The following EML5 variants were observed in gnomAD, a reference collection of about 807,000 sequenced individuals.
EML5 encodes EMAP like 5.
EML5 carries 120 observed loss-of-function variants against 250.0 expected under a neutral mutation model. That is an observed-to-expected ratio of 0.48 (90% CI 0.41 to 0.56). The LOEUF is 0.56. Among genes scored for constraint, EML5 ranks in the 20% least tolerant of loss-of-function variants. The pLI, the probability that EML5 is intolerant of heterozygous loss-of-function variation, is 0.00. For missense variants in EML5, 2,006 were observed against 2,437.6 expected (o/e 0.82, Z 3.73); for synonymous variants, 771 against 806.5 (o/e 0.96, Z 0.75).
intron 14 of EML5, among the ~76,000 whole-genome samples, chr14:88,699,995 C>T (rs894393208): frequency 6.6e-6 from 1 of 152,116 alleles, no homozygotes; most frequent in Non-Finnish European, 1.5e-5. Context: ...TACATATACA[C>T]ACAGAATAAT....
chr14:88,660,518 G>A (rs1469054873), intron 25 of EML5, among the ~76,000 whole-genome samples: 8 of 151,908 alleles, frequency 5.3e-5, no homozygotes, highest in East Asian at 1.9e-4. Context: ...CGAAGTGGGC[G>A]GATCACAAGG....
chr14:88,639,168 G>A (rs2090917105), intron 31 of EML5, among the ~76,000 whole-genome samples: 1 of 152,164 alleles, frequency 6.6e-6, no homozygotes, highest in Non-Finnish European at 1.5e-5. Context: ...AAAATGCTAT[G>A]GGAATTCAGA....
At chr14:88,653,429 G>A (rs1243488027) in intron 27 of EML5, among the ~76,000 whole-genome samples, 1 of 152,102 alleles carries the variant, frequency 6.6e-6, no homozygotes, top group Admixed American at 6.6e-5. Flanking sequence ...ATTGGCTGTG[G>A]GTTTGTCATA....
chr14:88,713,442 C>T (rs1389050475), intron 9 of EML5, among the ~76,000 whole-genome samples: 1 of 151,802 alleles, frequency 6.6e-6, no homozygotes, highest in African/African-American at 2.4e-5. Flanking sequence ...GCTTTTATTC[C>T]ATCCATTCAT....
intron 17 of EML5, among the ~76,000 whole-genome samples, chr14:88,689,356 A>G (rs1015061456): frequency 2.0e-5 from 3 of 152,238 alleles, no homozygotes; most frequent in African/African-American, 7.2e-5. Context: ...AACAGTGAAA[A>G]GAATTCCTTG....
rs146230095 is a variant in EML5, at chr14:88,656,409, T to C, written c.4004+967A>G. 9.9e-5 allele frequency among the ~76,000 whole-genome samples: 15 copies of C among 151,730 alleles called. No homozygotes were observed. In the East Asian group the frequency reaches 1.7e-3, roughly 18 times the overall value. Reference sequence around the variant, plus strand: ...ACATGTTCTCACTCATAAGTGGGAGTTGAACAATGAGAACATATGGACACA... The same window carrying C: ...ACATGTTCTCACTCATAAGTGGGAGCTGAACAATGAGAACATATGGACACA... On this transcript the variant is annotated intron_variant, in intron 27 of 43. Transcript: ENST00000554922.
intron 6 of EML5, 67 bp from the exon 7 acceptor site, chr14:88,736,632 A>G: frequency 1.3e-6 from 2 of 1,495,942 alleles, no homozygotes; most frequent in Non-Finnish European, 1.8e-6. Context: ...AGGCAGACAA[A>G]TCCCTATGCA....
chr14:88,788,822 CG>C (rs2094576410), intron 1 of EML5, among the ~76,000 whole-genome samples: 2 of 150,880 alleles, frequency 1.3e-5, no homozygotes, highest in South Asian at 4.2e-4. Flanking sequence ...CTTTGGGAGG[CG>C]GAAGTGGGAG....
chr14:88,762,800 TAACA>T (rs779527792), intron 1 of EML5, among the ~76,000 whole-genome samples: 3 of 152,152 alleles, frequency 2.0e-5, no homozygotes, highest in Admixed American at 6.5e-5. Flanking sequence ...ATGGAAATCA[TAACA>T]AACAGTCTCT....
intron 2 of EML5, among the ~76,000 whole-genome samples, chr14:88,747,448 C>T (rs1231175567): frequency 6.6e-6 from 1 of 151,640 alleles, no homozygotes; most frequent in Non-Finnish European, 1.5e-5. Flanking sequence ...AATAAACAAA[C>T]CACCCCACCC....
chr14:88,642,795 A>T (rs1464517700), intron 31 of EML5, 98 bp downstream of exon 31: 2 of 1,153,294 alleles, frequency 1.7e-6, no homozygotes, highest in Non-Finnish European at 2.4e-6. Flanking sequence ...CCTACATTTC[A>T]ATTACTATTT....
At chr14:88,696,809 A>T (rs749912657) in intron 15 of EML5, 38 bp downstream of exon 15, 1 of 1,467,322 alleles carries the variant, frequency 6.8e-7, no homozygotes, top group South Asian at 1.3e-5. Context: ...TTGCCTCTGC[A>T]TTTTGTTAAT....
chr14:88,718,321 G>A (rs1446588096), intron 8 of EML5, among the ~76,000 whole-genome samples: 1 of 152,216 alleles, frequency 6.6e-6, no homozygotes, highest in East Asian at 1.9e-4. Flanking sequence ...ACTGACAGCA[G>A]AGGCAGAATG....
rs567172352 is a variant in EML5 at position 88,638,889 on chromosome 14, T to C, written c.4256A>G (p.Gln1419Arg). 22 of 1,579,858 alleles carry C rather than the reference T, an allele frequency of 1.4e-5. No individual in the cohort carries two copies. The South Asian group carries it at 2.3e-4, about 16-fold the overall frequency. The change falls in exon 32 of 44, where the codon CAG (glutamine) becomes CGG (arginine). Residue 1419 changes from glutamine (Q) to arginine (R), a missense_variant. Gln to Arg is a conservative substitution (Grantham distance 43). Transcript: ENST00000554922. Reference protein sequence around the residue: ...NVATGSQSFYQEHNDDILCLT... With the variant: ...NVATGSQSFYREHNDDILCLT... ...GCACAGAATATCATCATTATGTTCC[T>C]GATAAAAACTCTGAGAACCTACAAA...
intron 25 of EML5, among the ~76,000 whole-genome samples, chr14:88,660,611 T>C (rs1344503890): frequency 6.6e-6 from 1 of 151,600 alleles, no homozygotes; most frequent in African/African-American, 2.4e-5. Context: ...GGCATGGTGG[T>C]GCGCGCCTGT....
At chr14:88,761,982 A>G (rs1006991452) in intron 1 of EML5, among the ~76,000 whole-genome samples, 5 of 152,180 alleles carry the variant, frequency 3.3e-5, no homozygotes, top group Admixed American at 2.0e-4. Context: ...GTCTGCATAA[A>G]TGTCTTCTTT....
In EML5 at chr14:88,658,244, G is replaced by A. The variant is rs770619694; in HGVS notation, c.3820C>T (p.Arg1274Ter). 4.3e-6 allele frequency: 7 copies of A among 1,613,466 alleles called. No individual in the cohort carries two copies. The highest frequency in any genetic ancestry group is 4.2e-6 in the Non-Finnish European group (5 of 1,179,752). ...MVWTNEMEGY[R>*]EKRPCDSEES... Reference sequence around the variant, plus strand: ...TCACTATCACAAGGCCTTTTTTCTCGATAGCCTTCCATCTCATTTGTCCAC... The same window carrying A: ...TCACTATCACAAGGCCTTTTTTCTCAATAGCCTTCCATCTCATTTGTCCAC... Residue 1274 changes from arginine (R) to a stop codon, truncating the protein, a stop_gained, in exon 26 of 44, where the codon CGA (arginine) becomes TGA (stop). Coordinates refer to ENST00000554922, the MANE Select transcript of EML5 (RefSeq NM_183387.3). LOFTEE classifies it high-confidence loss of function.
rs530299095 is a variant in EML5, at chr14:88,763,609, C to G, written c.198-8938G>C. Reference sequence around the variant, plus strand: ...GGAGCTGGTACCATTCCTTCCAGAACACTTCCAAACAATAGAAAAAGAGGG... The same window carrying G: ...GGAGCTGGTACCATTCCTTCCAGAAGACTTCCAAACAATAGAAAAAGAGGG... On this transcript the variant is annotated intron_variant, in intron 1 of 43. Coordinates refer to ENST00000554922, the MANE Select transcript of EML5 (RefSeq NM_183387.3). 3.3e-5 allele frequency among the ~76,000 whole-genome samples: 5 copies of G among 152,336 alleles called. No homozygotes were observed. The South Asian group carries it at 1.0e-3, about 32-fold the overall frequency.
chr14:88,750,208 T>C (rs982769514), intron 2 of EML5, among the ~76,000 whole-genome samples: 2 of 152,142 alleles, frequency 1.3e-5, no homozygotes, highest in African/African-American at 4.8e-5. Context: ...CATCATCTCT[T>C]ACTAGCAGGG....
Sources: allele counts gnomAD v4.1 joint callset (sites outside exome capture counted in the v4.1 genomes callset), GRCh38; gene constraint gnomAD v4.1.1; transcripts MANE v1.5; gene names NCBI Gene and HGNC (gene_info 2026-07-23, HGNC 2026-07-21).